Variants in SFXN5 observed in about 807,000 individuals in gnomAD.
SFXN5 encodes the protein sideroflexin 5, also known as sideroflexin-5.
SFXN5 carries 43 observed loss-of-function variants against 50.2 expected under a neutral mutation model. That is an observed-to-expected ratio of 0.86 (90% CI 0.67 to 1.11). SFXN5 has a LOEUF of 1.11. Among genes scored for constraint, SFXN5 ranks in the 50% least tolerant of loss-of-function variants. The pLI is 0.00. For missense variants in SFXN5, 463 were observed against 454.1 expected (o/e 1.02, Z -0.18); for synonymous variants, 203 against 185.8 (o/e 1.09, Z -0.75).
rs1671510814 is a variant in SFXN5 at position 72,942,283 on chromosome 2, C to T, written c.*2739G>A. 6.6e-6 allele frequency: 1 copy of T among 152,288 alleles called. No individual in the cohort carries two copies. Among genetic ancestry groups the T allele is most frequent in the Admixed American group, 6.5e-5 (1 of 15,284 alleles). 9.4% of individuals were successfully genotyped at this position (152,288 alleles called of 1,614,324 possible). On this transcript the variant is annotated 3_prime_UTR_variant, in exon 14 of 14. Transcript: ENST00000272433. The stretch of plus-strand genomic sequence containing the variant: ...GGCCAGAACACCAAAGAAGTCGGCT[C>T]ATAACCAGGTGAAAGGGGTCCGTCG...
intron 10 of SFXN5, among the ~76,000 whole-genome samples, chr2:72,974,301 A>G (rs938619736): frequency 2.6e-5 from 4 of 152,116 alleles, no homozygotes; most frequent in Admixed American, 2.6e-4. Flanking sequence ...GCCCTGACTC[A>G]CGGTGGCATC....
At chr2:73,050,588 CCA>C (rs975550341) in intron 2 of SFXN5, among the ~76,000 whole-genome samples, 38 of 152,220 alleles carry the variant, frequency 2.5e-4, no homozygotes, top group South Asian at 1.2e-3. Flanking sequence ...CCCTGAAGTC[CCA>C]CAGACACTCT....
At chr2:72,956,346 C>T (rs886098413) in intron 13 of SFXN5, among the ~76,000 whole-genome samples, 1 of 152,236 alleles carries the variant, frequency 6.6e-6, no homozygotes, top group East Asian at 1.9e-4. Flanking sequence ...CAGCCCCTTC[C>T]TCAGCTCTGG....
chr2:73,062,203 T>A (rs1682860494), intron 1 of SFXN5, among the ~76,000 whole-genome samples: 1 of 152,208 alleles, frequency 6.6e-6, no homozygotes, highest in Admixed American at 6.5e-5. Context: ...CTATTGAATG[T>A]TCCTTCCTTA....
intron 3 of SFXN5, among the ~76,000 whole-genome samples, chr2:73,029,517 T>G (rs1459360423): frequency 6.6e-6 from 1 of 152,092 alleles, no homozygotes; most frequent in African/African-American, 2.4e-5. Context: ...AGACAGATGC[T>G]CTTTAGACTA....
At chr2:73,010,016 T>C (rs1381480054) in intron 6 of SFXN5, among the ~76,000 whole-genome samples, 1 of 152,222 alleles carries the variant, frequency 6.6e-6, no homozygotes, top group East Asian at 1.9e-4. Context: ...CATTCAACTT[T>C]TGCCATTTCA....
At chr2:73,028,327 T>C (rs930961111) in intron 3 of SFXN5, among the ~76,000 whole-genome samples, 1 of 152,244 alleles carries the variant, frequency 6.6e-6, no homozygotes, top group African/African-American at 2.4e-5. Flanking sequence ...AGCTCACATG[T>C]GGTCCTGCCT....
At chr2:73,049,134 T>A (rs1017033671) in intron 2 of SFXN5, 2 of 152,288 alleles carry the variant, frequency 1.3e-5, no homozygotes, top group Non-Finnish European at 2.9e-5. Context: ...AACAGAAATT[T>A]ATTTCTCACA....
chr2:73,031,121 A>G (rs936117649), intron 3 of SFXN5, among the ~76,000 whole-genome samples: 3 of 152,310 alleles, frequency 2.0e-5, no homozygotes, highest in Non-Finnish European at 4.4e-5. Context: ...TCCATGTCCT[A>G]TTGTGTTGTC....
At chr2:73,059,202 T>TA (rs1229175706) in intron 1 of SFXN5, 1 of 986,058 alleles carries the variant, frequency 1.0e-6, no homozygotes, top group Non-Finnish European at 1.2e-6. Context: ...AGGAGGGCTT[T>TA]ATGCTAAGCG....
At chr2:72,988,131 C>T (rs1296866902) in intron 10 of SFXN5, 127 bp downstream of exon 10, 4 of 773,150 alleles carry the variant, frequency 5.2e-6, no homozygotes, top group Non-Finnish European at 8.3e-6. Flanking sequence ...ACATATTACA[C>T]CAATTCTCCC....
chr2:73,052,145 G>A lies in SFXN5; in HGVS notation c.171+6383C>T, dbSNP rs141391418. ...TCCATCATTCTTTGAGCACTTCCTC[G>A]CTTTCTGTAGCAACACTTGCAGCCT... On this transcript the variant is annotated intron_variant, in intron 2 of 13. Transcript: ENST00000272433. 2.5e-4 allele frequency among the ~76,000 whole-genome samples: 38 copies of A among 151,970 alleles called. 1 individual carries two copies. The East Asian group carries it at 4.4e-3, about 18-fold the overall frequency.
intron 10 of SFXN5, among the ~76,000 whole-genome samples, chr2:72,979,646 T>G (rs568846134): frequency 4.4e-4 from 67 of 152,072 alleles, no homozygotes; most frequent in Admixed American, 3.9e-4. Context: ...AATAAATAAA[T>G]AAAGAAATCA....
intron 1 of SFXN5, among the ~76,000 whole-genome samples, chr2:73,069,596 G>A (rs1683426024): frequency 6.6e-6 from 1 of 152,166 alleles, no homozygotes; most frequent in East Asian, 1.9e-4. Context: ...CTTCAAAAGT[G>A]CATACAACAA....
At chr2:73,033,302 G>A (rs1678551367) in intron 3 of SFXN5, among the ~76,000 whole-genome samples, 1 of 152,180 alleles carries the variant, frequency 6.6e-6, no homozygotes, top group Non-Finnish European at 1.5e-5. Flanking sequence ...CAAAATCTCT[G>A]CTTTTGTTGA....
At chr2:73,013,406 CGTGTGTGTGT>C (rs61590375) in intron 6 of SFXN5, among the ~76,000 whole-genome samples, 16 of 139,718 alleles carry the variant, frequency 1.1e-4, no homozygotes, top group African/African-American at 1.6e-4. Flanking sequence ...AGGGATATTT[CGTGTGTGTGT>C]GTGTGTGTGT....
chr2:73,023,732 A>G (rs565427007), intron 3 of SFXN5, among the ~76,000 whole-genome samples: 2 of 150,570 alleles, frequency 1.3e-5, no homozygotes, highest in Non-Finnish European at 3.0e-5. Flanking sequence ...AGAGTCGTTT[A>G]AGGGGTGAAT....
At chr2:73,056,993 A>G (rs1344241416) in intron 2 of SFXN5, among the ~76,000 whole-genome samples, 1 of 152,236 alleles carries the variant, frequency 6.6e-6, no homozygotes, top group African/African-American at 2.4e-5. Flanking sequence ...AGTTTTATTC[A>G]TAATAGCCAA....
chr2:73,043,695 G>C (rs1330788309), intron 2 of SFXN5, among the ~76,000 whole-genome samples: 2 of 151,866 alleles, frequency 1.3e-5, no homozygotes, highest in Non-Finnish European at 2.9e-5. Flanking sequence ...CTTTGTGGTT[G>C]TTTTTATTTT....
Sources: gnomAD v4.1 joint callset for allele counts (sites outside exome capture counted in the v4.1 genomes callset) on GRCh38, gnomAD v4.1.1 for gene constraint, MANE v1.5 for transcripts, NCBI Gene and HGNC (gene_info 2026-07-23, HGNC 2026-07-21) for gene names.